The following TNS1 variants were observed in gnomAD, a reference collection of about 807,000 sequenced individuals.
The protein encoded by TNS1 is tensin 1.
TNS1 carries 62 observed loss-of-function variants against 168.6 expected under a neutral mutation model. The observed-to-expected ratio is 0.37, with a 90% CI of 0.30 to 0.45. The LOEUF (loss-of-function observed/expected upper bound fraction) is 0.45. TNS1 is among the 20% of genes least tolerant of loss of function. The pLI is 1.00. For synonymous variants in TNS1, 934 were observed against 933.2 expected, an observed-to-expected ratio of 1.00 and a Z score of -0.02; for missense variants, 2,240 against 2,339.4, an observed-to-expected ratio of 0.96 and a Z score of 0.88.
intron 3 of TNS1, among the ~76,000 whole-genome samples, chr2:217,961,067 C>A (rs1054948119): frequency 1.3e-5 from 2 of 152,014 alleles, no homozygotes; most frequent in Non-Finnish European, 2.9e-5. Context: ...TTCCATGTCT[C>A]CCTCCCAAAT....
At chr2:217,879,178 TCACCG>T (rs1950463201) in intron 18 of TNS1, 1 of 277,658 alleles carries the variant, frequency 3.6e-6, no homozygotes, top group African/African-American at 2.3e-5. Flanking sequence ...CATCTCCTCC[TCACCG>T]TTAATTATTT....
intron 19 of TNS1, among the ~76,000 whole-genome samples, chr2:217,845,416 C>T (rs1946506297): frequency 6.6e-6 from 1 of 152,224 alleles, no homozygotes; most frequent in South Asian, 2.1e-4. Flanking sequence ...TCTACACAGG[C>T]ACTGCAGATA....
chr2:217,842,238 T>C (rs1314257326), intron 19 of TNS1: 1 of 611,394 alleles, frequency 1.6e-6, no homozygotes, highest in Non-Finnish European at 2.9e-6. Flanking sequence ...ACAATTCCCA[T>C]ATCTCTAAGT....
Position 217,885,744 on chromosome 2 carries a change from C to T in TNS1, c.1116G>A (p.Leu372=). 6.2e-7 allele frequency: 1 copy of T among 1,613,866 alleles called. No homozygotes were observed. The highest frequency in any genetic ancestry group is 8.5e-7 in the Non-Finnish European group (1 of 1,179,830). Reference sequence around the variant, plus strand: ...GCTTGACACAGAGGACAGCACTCACCAAGATGTCTCCCTTCAAGAGCAGTC... The same window carrying T: ...GCTTGACACAGAGGACAGCACTCACTAAGATGTCTCCCTTCAAGAGCAGTC... ...EPGLLLKGDI[L]LKCYHKKFRS... Residue 372 remains leucine, a splice_region_variant and synonymous_variant, in exon 15 of 33, where the codon TTG becomes TTA. Transcript: ENST00000682258.
At chr2:217,980,980 T>C (rs1958034146) in intron 2 of TNS1, among the ~76,000 whole-genome samples, 1 of 152,126 alleles carries the variant, frequency 6.6e-6, no homozygotes. Context: ...GCTTTCCAAT[T>C]ATTCCTTTTC....
chr2:217,843,212 C>T (rs772985971), intron 19 of TNS1, among the ~76,000 whole-genome samples: 2 of 152,038 alleles, frequency 1.3e-5, no homozygotes, highest in Non-Finnish European at 2.9e-5. Flanking sequence ...TTTATCTATC[C>T]TTTATTCTAA....
At chr2:217,889,325 A>G (rs1263349790) in intron 12 of TNS1, among the ~76,000 whole-genome samples, 3 of 152,230 alleles carry the variant, frequency 2.0e-5, no homozygotes, top group African/African-American at 4.8e-5. Context: ...GGGACAGCAC[A>G]GTTCTAGCCA....
intron 3 of TNS1, among the ~76,000 whole-genome samples, chr2:217,972,458 G>T (rs1301620144): frequency 2.0e-5 from 3 of 152,240 alleles, no homozygotes; most frequent in Non-Finnish European, 4.4e-5. Context: ...CAATGAGACT[G>T]AAAGGTGGGG....
At position 217,836,208 on chromosome 2, in the gene TNS1, A is replaced by G. The variant is rs1278710166; in HGVS notation, c.3011T>C (p.Val1004Ala). 6.2e-7 allele frequency: 1 copy of G among 1,608,186 alleles called. No homozygotes were observed. The highest frequency in any genetic ancestry group is 8.5e-7 in the Non-Finnish European group (1 of 1,176,344). Residue 1004 changes from valine (V) to alanine (A), a missense_variant, in exon 20 of 33, where the codon GTA becomes GCA. This residue lies in a region of TNS1 where 2,131 missense variants were observed against 2,171.2 expected (regional missense o/e 0.98). Transcript: ENST00000682258. Reference protein sequence around the residue: ...EGLVAHRVAGVQAREKQPAEP... With the variant: ...EGLVAHRVAGAQAREKQPAEP... ...TGCAGGCTGCTTCTCCCGAGCCTGT[A>G]CCCCTGGGAGGAAAGCAGGGTGTAG...
intron 14 of TNS1, 21 bp from the exon 15 acceptor site, chr2:217,885,840 GAAAA>G: frequency 1.2e-6 from 2 of 1,613,170 alleles, no homozygotes; most frequent in South Asian, 2.2e-5. Context: ...GAGGTGGGCA[GAAAA>G]AGAGTGGGCT....
At chr2:217,826,830 G>A (rs1300664758) in intron 22 of TNS1, among the ~76,000 whole-genome samples, 1 of 152,176 alleles carries the variant, frequency 6.6e-6, no homozygotes, top group African/African-American at 2.4e-5. Context: ...TGCAGCACAG[G>A]GTGACTTGGG....
chr2:217,927,736 C>G (rs1956106910), intron 3 of TNS1, among the ~76,000 whole-genome samples: 1 of 152,178 alleles, frequency 6.6e-6, no homozygotes, highest in African/African-American at 2.4e-5. Flanking sequence ...TCTTCCTCAC[C>G]CAGAGCACGG....
intron 4 of TNS1, among the ~76,000 whole-genome samples, chr2:217,917,549 G>A (rs138905465): frequency 6.6e-6 from 1 of 152,200 alleles, no homozygotes. Context: ...TTGAGGTTCG[G>A]CCGGGCGCGC....
chr2:218,007,252 C>T (rs1422000785), upstream of TNS1, among the ~76,000 whole-genome samples: 1 of 152,190 alleles, frequency 6.6e-6, no homozygotes, highest in African/African-American at 2.4e-5. Flanking sequence ...GTATTCTCCC[C>T]CTTCCCCAGG....
chr2:217,896,924 T>A (rs1159661903), intron 8 of TNS1, among the ~76,000 whole-genome samples: 1 of 152,222 alleles, frequency 6.6e-6, no homozygotes, highest in Non-Finnish European at 1.5e-5. Flanking sequence ...TGCTGTATTG[T>A]TTTTATTTGT....
At chr2:217,887,198 T>A (rs1290962183) in intron 12 of TNS1, among the ~76,000 whole-genome samples, 1 of 152,266 alleles carries the variant, frequency 6.6e-6, no homozygotes, top group African/African-American at 2.4e-5. Flanking sequence ...CTCTACATCA[T>A]ACCAAAGTGC....
rs190280733 is a variant in TNS1, at chr2:217,872,017, G to A, written c.1429+8881C>T. On this transcript the variant is annotated intron_variant, in intron 18 of 32. Transcript: ENST00000682258. ...CCCTGACTGGTTGCAGACCCACCAC[G>A]TTGGAATCCTGCCTTCACCATTTAT... Among the ~76,000 whole-genome samples, 967 of 152,364 alleles carry A rather than the reference G, an allele frequency of 6.3e-3. 9 individuals are homozygous for A. The highest frequency in any genetic ancestry group is 0.022 in the African/African-American group (916 of 41,584).
intron 6 of TNS1, among the ~76,000 whole-genome samples, chr2:217,902,417 GA>G (rs1355126226): frequency 6.6e-6 from 1 of 152,144 alleles, no homozygotes; most frequent in Non-Finnish European, 1.5e-5. Context: ...AGGAGCATGG[GA>G]CCAGACCCAG....
chr2:217,867,874 A>G (rs1024617488), intron 18 of TNS1, among the ~76,000 whole-genome samples: 2 of 151,922 alleles, frequency 1.3e-5, no homozygotes, highest in African/African-American at 2.4e-5. Context: ...AAAAATGTCA[A>G]CTCTTCAATG....
Sources: gnomAD v4.1 joint callset for allele counts (sites outside exome capture counted in the v4.1 genomes callset) on GRCh38, gnomAD v4.1.1 for gene constraint, gnomAD v4.1.1 regional missense constraint, MANE v1.5 for transcripts, NCBI Gene and HGNC (gene_info 2026-07-23, HGNC 2026-07-21) for gene names.